CERS5: variants seen among roughly 807,000 people sequenced by gnomAD.
CERS5 encodes the protein ceramide synthase 5, also known as LAG1 homolog, ceramide synthase 5.
In CERS5, 37 loss-of-function variants were observed where a neutral mutation model predicts 58.9. The ratio of observed to expected loss-of-function variants is 0.63; its 90% confidence interval spans 0.48 to 0.83. The LOEUF (loss-of-function observed/expected upper bound fraction) is 0.83. CERS5 is among the 40% of genes least tolerant of loss of function. CERS5 has a pLI of 0.00. For synonymous variants in CERS5, 147 were observed against 177.8 expected, an observed-to-expected ratio of 0.83 and a Z score of 1.38; for missense variants, 398 against 489.3, an observed-to-expected ratio of 0.81 and a Z score of 1.76.
intron 4 of CERS5, among the ~76,000 whole-genome samples, chr12:50,139,440 G>A (rs1002049124): frequency 6.6e-6 from 1 of 151,950 alleles, no homozygotes; most frequent in Non-Finnish European, 1.5e-5. Flanking sequence ...CTGTGATCAC[G>A]CAACTGCACT....
chr12:50,142,989 C>A (rs1952055299), intron 3 of CERS5, 85 bp downstream of exon 3: 1 of 1,422,852 alleles, frequency 7.0e-7, no homozygotes, highest in South Asian at 1.4e-5. Flanking sequence ...GTCCTAACAA[C>A]AGAAGTGATG....
At position 50,133,812 on chromosome 12, in the gene CERS5, G is replaced by A. The variant is rs561713381; in HGVS notation, c.1029+734C>T. ...AGGCAGGCCAGGTGCGGTGGCTCAC[G>A]CCTGTAATCCCAGCACTTCGGGAGG... is the stretch of plus-strand genomic sequence containing the variant. On this transcript the variant is annotated intron_variant, in intron 9 of 9. Coordinates refer to ENST00000317551, the MANE Select transcript of CERS5 (RefSeq NM_147190.5). The A allele has an allele frequency of 4.0e-5, 39 of 979,396 alleles. No individual in the cohort carries two copies. The Admixed American group carries it at 6.1e-4, about 15-fold the overall frequency. The allele number at this position is 979,396 out of a possible 1,614,324, so 60.7% of individuals were successfully genotyped here. A position where few individuals can be genotyped will look rare whatever the true frequency, so the allele number is the denominator to read the frequency against.
chr12:50,141,989 C>G, intron 4 of CERS5, 64 bp downstream of exon 4: 1 of 889,198 alleles, frequency 1.1e-6, no homozygotes, highest in Non-Finnish European at 1.8e-6. Flanking sequence ...GTATTTAACT[C>G]TTACTTCTAG....
At position 50,161,869 on chromosome 12, in the gene CERS5, C is replaced by CTTTTTT. The variant is rs765766688; in HGVS notation, c.197+5226_197+5231dup. Among the ~76,000 whole-genome samples the CTTTTTT allele has an allele frequency of 2.2e-3, 146 of 67,298 alleles. 1 individual carries two copies. The highest frequency in any genetic ancestry group is 2.7e-3 in the African/African-American group (43 of 16,010). 44.2% of individuals were successfully genotyped at this position (67,298 alleles called of 152,430 possible). On this transcript the variant is annotated intron_variant, in intron 1 of 9. Coordinates refer to ENST00000317551, the MANE Select transcript of CERS5 (RefSeq NM_147190.5). ...GGATGAATACAGATTTGTTCTTCTT[C>CTTTTTT]TTTTTTTTTTTTTTTTTTTTTTTGA...
chr12:50,146,160 T>G (rs1952256233), intron 1 of CERS5, among the ~76,000 whole-genome samples: 1 of 152,182 alleles, frequency 6.6e-6, no homozygotes, highest in African/African-American at 2.4e-5. Flanking sequence ...TTTTACCAGC[T>G]GAAAGACCTT....
chr12:50,133,124 C>T (rs1951429594), intron 9 of CERS5: 1 of 1,271,418 alleles, frequency 7.9e-7, no homozygotes, highest in Non-Finnish European at 1.0e-6. Context: ...GCAAGATGCA[C>T]AGGCACACTG....
chr12:50,144,808 T>C, intron 1 of CERS5: 1 of 1,526,892 alleles, frequency 6.5e-7, no homozygotes, highest in Non-Finnish European at 8.8e-7. Flanking sequence ...GAAGAGGTTA[T>C]ATCAAGCAGA....
intron 1 of CERS5, among the ~76,000 whole-genome samples, chr12:50,159,092 C>A (rs1019406524): frequency 6.6e-6 from 1 of 152,048 alleles, no homozygotes; most frequent in African/African-American, 2.4e-5. Context: ...GAGGCCGAGG[C>A]GGGCGAATCA....
At chr12:50,140,638 C>T (rs531820079) in intron 4 of CERS5, among the ~76,000 whole-genome samples, 6 of 152,002 alleles carry the variant, frequency 3.9e-5, no homozygotes, top group Admixed American at 1.3e-4. Context: ...AATTTAATTC[C>T]GTTATGGTCA....
chr12:50,139,787 T>C (rs938956888), intron 4 of CERS5, among the ~76,000 whole-genome samples: 3 of 152,182 alleles, frequency 2.0e-5, no homozygotes, highest in Non-Finnish European at 4.4e-5. Flanking sequence ...AGTGAGACTC[T>C]GTCTCAGACA....
chr12:50,136,344 G>A (rs1207423526), intron 6 of CERS5, among the ~76,000 whole-genome samples: 1 of 152,072 alleles, frequency 6.6e-6, no homozygotes, highest in Non-Finnish European at 1.5e-5. Flanking sequence ...TTGGTGGCAT[G>A]TGCCTGTAAT....
At chr12:50,131,558 CAAAAAAAAAAAA>C (rs752634104) in intron 9 of CERS5, among the ~76,000 whole-genome samples, 11 of 69,834 alleles carry the variant, frequency 1.6e-4, no homozygotes, top group Non-Finnish European at 2.2e-4. Flanking sequence ...GACTCCATCT[CAAAAAAAAAAAA>C]AAAAAAAGAA....
chr12:50,134,791 T>A, intron 8 of CERS5, 89 bp from the exon 9 acceptor site: 1 of 1,248,080 alleles, frequency 8.0e-7, no homozygotes, highest in Non-Finnish European at 1.1e-6. Flanking sequence ...GAGCCCTGTG[T>A]GTTTTCCTAC....
At chr12:50,135,185 AGAGG>A (rs1314876727) in intron 8 of CERS5, among the ~76,000 whole-genome samples, 1 of 36,972 alleles carries the variant, frequency 2.7e-5, no homozygotes, top group African/African-American at 1.3e-4. Flanking sequence ...GAGAGAGAGG[AGAGG>A]GAGGAAGAGA....
At chr12:50,157,917 C>G (rs1283630806) in intron 1 of CERS5, among the ~76,000 whole-genome samples, 1 of 151,954 alleles carries the variant, frequency 6.6e-6, no homozygotes. Flanking sequence ...CAAAAATTAG[C>G]CAGGCACAGT....
intron 9 of CERS5, chr12:50,133,755 T>C (rs776532626): frequency 4.5e-5 from 44 of 985,468 alleles, no homozygotes; most frequent in Non-Finnish European, 5.2e-5. Context: ...AACTTTCCTC[T>C]TGCGTCTAAG....
intron 1 of CERS5, among the ~76,000 whole-genome samples, chr12:50,158,392 G>A (rs1345456302): frequency 6.6e-6 from 1 of 152,120 alleles, no homozygotes; most frequent in Non-Finnish European, 1.5e-5. Flanking sequence ...CACATAGTTT[G>A]ATACCTTTTT....
At chr12:50,159,043 C>A (rs1054414689) in intron 1 of CERS5, among the ~76,000 whole-genome samples, 1 of 151,994 alleles carries the variant, frequency 6.6e-6, no homozygotes, top group Non-Finnish European at 1.5e-5. Context: ...CTCAAGCGGC[C>A]GGGCGCGGTG....
chr12:50,150,052 T>C (rs753331917), intron 1 of CERS5, among the ~76,000 whole-genome samples: 2 of 152,232 alleles, frequency 1.3e-5, no homozygotes, highest in African/African-American at 4.8e-5. Context: ...ACAAATGTTA[T>C]TTTTTATGTG....
Sources: gnomAD v4.1 joint callset for allele counts (sites outside exome capture counted in the v4.1 genomes callset) on GRCh38, gnomAD v4.1.1 for gene constraint, MANE v1.5 for transcripts, NCBI Gene and HGNC (gene_info 2026-07-23, HGNC 2026-07-21) for gene names.